SPIDR: variants seen among roughly 807,000 people sequenced by gnomAD.
The protein encoded by SPIDR is scaffold protein involved in DNA repair, also known as DNA repair-scaffolding protein.
In SPIDR, 93 loss-of-function variants were observed where a neutral mutation model predicts 104.6. The ratio of observed to expected loss-of-function variants is 0.89; its 90% CI spans 0.75 to 1.06. SPIDR has a LOEUF of 1.06. Among genes scored for constraint, SPIDR ranks in the 50% least tolerant of loss-of-function variants. SPIDR has a pLI of 0.00. For missense variants in SPIDR, 1,154 were observed against 1,111.2 expected (o/e 1.04, Z -0.55); for synonymous variants, 431 against 416.9 (o/e 1.03, Z -0.41).
chr8:47,522,873 T>C (rs2084378390), intron 8 of SPIDR, among the ~76,000 whole-genome samples: 1 of 152,206 alleles, frequency 6.6e-6, no homozygotes, highest in Non-Finnish European at 1.5e-5. Flanking sequence ...GTGAAATCTC[T>C]AGTAACCTGA....
In SPIDR at chr8:47,443,308, G is replaced by A. The variant is rs377169937; in HGVS notation, c.1097+2766G>A. Among the ~76,000 whole-genome samples the A allele has an allele frequency of 3.9e-5, 6 of 152,030 alleles. 1 individual carries two copies. The East Asian group carries it at 9.6e-4, about 24-fold the overall frequency. On this transcript the variant is annotated intron_variant, in intron 8 of 19. Coordinates refer to ENST00000297423, the MANE Select transcript of SPIDR (RefSeq NM_001080394.4). The stretch of plus-strand genomic sequence containing the variant: ...GAAGAGGCCGGGCGCATTAGTTCAC[G>A]CCTATAATCCCAGCAGTTTAGGAGG...
chr8:47,505,891 G>A (rs370424710), intron 8 of SPIDR, among the ~76,000 whole-genome samples: 2 of 152,194 alleles, frequency 1.3e-5, no homozygotes, highest in African/African-American at 4.8e-5. Flanking sequence ...TCAACCATAA[G>A]TATACTTAGC....
intron 8 of SPIDR, among the ~76,000 whole-genome samples, chr8:47,535,778 A>G (rs935818016): frequency 6.6e-6 from 1 of 151,990 alleles, no homozygotes; most frequent in African/African-American, 2.4e-5. Context: ...CTGACATCAT[A>G]CTTAATGGTG....
chr8:47,704,938 G>T (rs2154485168), intron 14 of SPIDR, among the ~76,000 whole-genome samples: 1 of 152,346 alleles, frequency 6.6e-6, no homozygotes, highest in Admixed American at 6.5e-5. Context: ...AGAGGGGTCA[G>T]TGTGTGTAGG....
intron 7 of SPIDR, among the ~76,000 whole-genome samples, chr8:47,413,183 TA>T (rs1256965863): frequency 6.6e-6 from 1 of 152,266 alleles, no homozygotes; most frequent in Non-Finnish European, 1.5e-5. Context: ...ACTGGCGGCC[TA>T]AAAGGCCAGA....
At chr8:47,372,387 G>T (rs2058137824) in intron 5 of SPIDR, among the ~76,000 whole-genome samples, 1 of 152,154 alleles carries the variant, frequency 6.6e-6, no homozygotes, top group African/African-American at 2.4e-5. Flanking sequence ...AACTTTGGGA[G>T]TCTGAGGTGG....
chr8:47,293,541 G>T (rs2040315029), intron 4 of SPIDR, among the ~76,000 whole-genome samples: 1 of 152,126 alleles, frequency 6.6e-6, no homozygotes. Flanking sequence ...CCACCTCTCG[G>T]GTTCAAGCGA....
chr8:47,463,917 A>G (rs933156481), intron 8 of SPIDR, among the ~76,000 whole-genome samples: 1 of 152,208 alleles, frequency 6.6e-6, no homozygotes, highest in Admixed American at 6.5e-5. Flanking sequence ...AATGATGACA[A>G]CTTAGAAGCT....
At chr8:47,560,964 GC>G (rs1447550154) in intron 8 of SPIDR, among the ~76,000 whole-genome samples, 1 of 152,198 alleles carries the variant, frequency 6.6e-6, no homozygotes, top group African/African-American at 2.4e-5. Context: ...ATTACCTAAA[GC>G]AGAGGTAGTT....
chr8:47,430,574 G>A (rs1238802391), intron 7 of SPIDR, among the ~76,000 whole-genome samples: 3 of 152,134 alleles, frequency 2.0e-5, no homozygotes, highest in Admixed American at 6.5e-5. Flanking sequence ...TGGCCTCATG[G>A]TAGAGAGGCC....
At chr8:47,337,574 C>T (rs566324383) in intron 5 of SPIDR, among the ~76,000 whole-genome samples, 7 of 145,762 alleles carry the variant, frequency 4.8e-5, no homozygotes, top group African/African-American at 1.5e-4. Flanking sequence ...ATCTTTTTTT[C>T]CATAAAAGTT....
chr8:47,312,903 G>A (rs1554586575), intron 5 of SPIDR, among the ~76,000 whole-genome samples: 1 of 152,094 alleles, frequency 6.6e-6, no homozygotes. Flanking sequence ...TGTGTATAAG[G>A]TGTAAGGAAG....
In SPIDR at chr8:47,735,519, G is replaced by A; in HGVS notation, c.*69G>A. The A allele has an allele frequency of 1.2e-6, 2 of 1,608,692 alleles. No homozygotes were observed. Among genetic ancestry groups the A allele is most frequent in the South Asian group, 2.2e-5 (2 of 90,728 alleles). On this transcript the variant is annotated 3_prime_UTR_variant, in exon 20 of 20. Coordinates refer to ENST00000297423, the MANE Select transcript of SPIDR (RefSeq NM_001080394.4). ...GTGGTGGTGGTGGTGGTGATTTGGG[G>A]TAGTTATTTGTTAACTATGGACACA...
chr8:47,276,150 C>T (rs1297313472), intron 1 of SPIDR, among the ~76,000 whole-genome samples: 2 of 152,160 alleles, frequency 1.3e-5, no homozygotes, highest in Non-Finnish European at 2.9e-5. Context: ...CATGAGCCAC[C>T]ATGCCTTGCC....
intron 8 of SPIDR, chr8:47,546,730 T>C (rs2089456227): frequency 5.9e-6 from 1 of 168,892 alleles, no homozygotes; most frequent in Non-Finnish European, 1.3e-5. Context: ...TCTTTTTAAA[T>C]TTATTTTTAT....
chr8:47,472,171 C>G (rs2075796890), intron 8 of SPIDR, among the ~76,000 whole-genome samples: 1 of 152,242 alleles, frequency 6.6e-6, no homozygotes, highest in African/African-American at 2.4e-5. Flanking sequence ...AGGCTGCAGT[C>G]AAGGCCTTGC....
At chr8:47,413,021 G>A (rs1489476369) in intron 7 of SPIDR, among the ~76,000 whole-genome samples, 2 of 152,142 alleles carry the variant, frequency 1.3e-5, no homozygotes, top group Admixed American at 6.5e-5. Flanking sequence ...TGGCAAGCTT[G>A]AATTTCTTTC....
intron 5 of SPIDR, among the ~76,000 whole-genome samples, chr8:47,360,174 G>A (rs868915345): frequency 2.0e-5 from 3 of 149,294 alleles, no homozygotes; most frequent in South Asian, 2.1e-4. Context: ...CCCGGGAGGC[G>A]GAGGTTGCAG....
At chr8:47,648,569 G>C (rs1318197778) in intron 10 of SPIDR, among the ~76,000 whole-genome samples, 1 of 152,208 alleles carries the variant, frequency 6.6e-6, no homozygotes, top group Non-Finnish European at 1.5e-5. Flanking sequence ...CTCTGGGACA[G>C]TGATACGTCA....
Sources: allele counts gnomAD v4.1 joint callset (sites outside exome capture counted in the v4.1 genomes callset), GRCh38; gene constraint gnomAD v4.1.1; transcripts MANE v1.5; gene names NCBI Gene and HGNC (gene_info 2026-07-23, HGNC 2026-07-21).